The following SKIC3 variants were observed in gnomAD, a reference collection of about 807,000 sequenced individuals.
SKIC3 encodes the protein superkiller complex protein 3.
chr5:95,473,727 T>C, the SKIC3 span, among the ~76,000 whole-genome samples: 1 of 152,224 alleles, frequency 6.6e-6, no homozygotes, highest in Non-Finnish European at 1.5e-5. Flanking sequence ...TTGAGAAGTG[T>C]TTGTTAATGT....
the SKIC3 span, among the ~76,000 whole-genome samples, chr5:95,502,118 C>G: frequency 1.3e-5 from 2 of 152,090 alleles, no homozygotes; most frequent in Non-Finnish European, 2.9e-5. Context: ...ATCCCCCCAC[C>G]TTTGGAGATG....
the SKIC3 span, among the ~76,000 whole-genome samples, chr5:95,495,915 T>G: frequency 6.6e-6 from 1 of 152,106 alleles, no homozygotes; most frequent in Non-Finnish European, 1.5e-5. Context: ...TGACAAGATA[T>G]TAAGGACTTA....
the SKIC3 span, chr5:95,503,831 T>TA: frequency 1.2e-6 from 2 of 1,613,936 alleles, no homozygotes; most frequent in Non-Finnish European, 1.7e-6. Flanking sequence ...GCTCTCTTTA[T>TA]AAAGCCCCTT....
At chr5:95,544,754 T>A in the SKIC3 span, among the ~76,000 whole-genome samples, 111 of 152,244 alleles carry the variant, frequency 7.3e-4, no homozygotes, top group Middle Eastern at 3.4e-3. Context: ...GATGACCAGG[T>A]TTTCAGAATC....
chr5:95,470,077 C>A, the SKIC3 span, among the ~76,000 whole-genome samples: 18 of 151,814 alleles, frequency 1.2e-4, no homozygotes, highest in African/African-American at 4.1e-4. Context: ...TCCCAGGTTC[C>A]CGCCATTCTC....
At chr5:95,524,696 C>T in the SKIC3 span, 1 of 1,451,602 alleles carries the variant, frequency 6.9e-7, no homozygotes, top group Non-Finnish European at 9.4e-7. Context: ...TTGAGTGATT[C>T]AGAGGTGCCA....
the SKIC3 span, among the ~76,000 whole-genome samples, chr5:95,512,002 G>A: frequency 6.6e-6 from 1 of 152,194 alleles, no homozygotes; most frequent in Non-Finnish European, 1.5e-5. Flanking sequence ...AAAATCAGGT[G>A]TTAAGTGGGG....
chr5:95,500,633 T>G, the SKIC3 span, among the ~76,000 whole-genome samples: 61,682 of 152,018 alleles, frequency 0.41, 14,521 homozygotes, highest in African/African-American at 0.65. Context: ...TAGTTATAAG[T>G]AGAATTTTCA....
At chr5:95,523,966 A>G in the SKIC3 span, 6 of 948,638 alleles carry the variant, frequency 6.3e-6, no homozygotes, top group Non-Finnish European at 7.7e-6. Context: ...AATATGCCAA[A>G]AAATCCTTTG....
the SKIC3 span, among the ~76,000 whole-genome samples, chr5:95,489,743 A>T: frequency 2.6e-5 from 4 of 152,316 alleles, no homozygotes; most frequent in Non-Finnish European, 4.4e-5. Context: ...TAGTCTAAAC[A>T]TAACCAATGA....
the SKIC3 span, chr5:95,514,896 G>A: frequency 1.2e-6 from 2 of 1,612,340 alleles, no homozygotes; most frequent in African/African-American, 2.7e-5. Flanking sequence ...TCAAGGGATT[G>A]AGCCATTTTG....
chr5:95,478,929 A>G, the SKIC3 span, among the ~76,000 whole-genome samples: 1 of 152,164 alleles, frequency 6.6e-6, no homozygotes, highest in African/African-American at 2.4e-5. Flanking sequence ...GAAATAGTCA[A>G]TGCTTTCTAC....
the SKIC3 span, among the ~76,000 whole-genome samples, chr5:95,483,212 AT>A: frequency 6.6e-6 from 1 of 152,080 alleles, no homozygotes; most frequent in African/African-American, 2.4e-5. Flanking sequence ...ATATACTTAT[AT>A]TCTCTGTATG....
At chr5:95,553,271 C>T in the SKIC3 span, among the ~76,000 whole-genome samples, 1 of 152,218 alleles carries the variant, frequency 6.6e-6, no homozygotes, top group Non-Finnish European at 1.5e-5. Flanking sequence ...TCTTGTAAGC[C>T]TGTCATCAGA....
the SKIC3 span, chr5:95,522,218 G>A: frequency 1.2e-6 from 2 of 1,613,852 alleles, no homozygotes; most frequent in Admixed American, 1.7e-5. Flanking sequence ...CTTCAAGGCT[G>A]TTGTGTAGCC....
chr5:95,496,814 G>A, the SKIC3 span, among the ~76,000 whole-genome samples: 5 of 152,238 alleles, frequency 3.3e-5, no homozygotes, highest in Non-Finnish European at 5.9e-5. Context: ...GTCGTGGCAA[G>A]TGTTCAAAAC....
the SKIC3 span, among the ~76,000 whole-genome samples, chr5:95,548,205 G>C: frequency 1.6e-3 from 247 of 152,076 alleles, 2 homozygotes; most frequent in African/African-American, 5.7e-3. Context: ...GTAAAACAAA[G>C]CTGGGGTAAA....
At chr5:95,497,426 C>T in the SKIC3 span, 127 of 1,612,984 alleles carry the variant, frequency 7.9e-5, 1 homozygote, top group East Asian at 2.3e-3. Flanking sequence ...CTTTGCATTT[C>T]GTTGAGCATA....
chr5:95,491,139 T>A, the SKIC3 span: 1 of 1,483,678 alleles, frequency 6.7e-7, no homozygotes, highest in South Asian at 1.3e-5. Flanking sequence ...AAAAAAATTG[T>A]ATCTAAAAAA....
Sources: allele counts gnomAD v4.1 joint callset (sites outside exome capture counted in the v4.1 genomes callset), GRCh38; gene constraint gnomAD v4.1.1; transcripts MANE v1.5; gene names NCBI Gene and HGNC (gene_info 2026-07-23, HGNC 2026-07-21).